The following ADGRL3 variants were observed in gnomAD, a reference collection of about 807,000 sequenced individuals.
ADGRL3 encodes the protein calcium-independent alpha-latrotoxin receptor 3.
Under a neutral mutation model 153.5 loss-of-function variants are expected in ADGRL3, and 62 were observed. The ratio of observed to expected loss-of-function variants is 0.40; its 90% CI spans 0.33 to 0.50. The LOEUF is 0.50. Among genes scored for constraint, ADGRL3 ranks in the 20% least tolerant of loss-of-function variants. ADGRL3 has a pLI of 0.47. For synonymous variants in ADGRL3, 710 were observed against 672.5 expected, an observed-to-expected ratio of 1.06 and a Z score of -0.86; for missense variants, 1,641 against 1,859.4, an observed-to-expected ratio of 0.88 and a Z score of 2.16.
chr4:62,004,619 T>C (rs2099151481), intron 21 of ADGRL3, among the ~76,000 whole-genome samples: 1 of 152,174 alleles, frequency 6.6e-6, no homozygotes, highest in South Asian at 2.1e-4. Context: ...TTTACAGATT[T>C]CTAATTATTT....
chr4:61,868,878 G>A (rs538874211), intron 9 of ADGRL3, among the ~76,000 whole-genome samples: 5 of 152,036 alleles, frequency 3.3e-5, no homozygotes, highest in African/African-American at 4.8e-5. Context: ...GCTTTCCAGC[G>A]ATGCTATTAA....
chr4:61,407,151 C>A (rs575849881), intron 2 of ADGRL3, among the ~76,000 whole-genome samples: 172 of 151,950 alleles, frequency 1.1e-3, no homozygotes, highest in Admixed American at 3.2e-3. Flanking sequence ...AACAATAAAC[C>A]CTTACAATAA....
At chr4:61,526,237 G>A (rs1359180437) in intron 4 of ADGRL3, among the ~76,000 whole-genome samples, 3 of 152,138 alleles carry the variant, frequency 2.0e-5, no homozygotes, top group African/African-American at 7.2e-5. Context: ...ATGAGAAAAT[G>A]ATTGGTTTTG....
At position 62,073,873 on chromosome 4, in the gene ADGRL3, A is replaced by G. The variant is rs1746375697; in HGVS notation, c.*2965A>G. The stretch of plus-strand genomic sequence containing the variant: ...AGAGACTTAAGATCCCAAAGATTAT[A>G]ACAGAGAGAAATTTCCCCTGCAAGT... On this transcript the variant is annotated 3_prime_UTR_variant, in exon 27 of 27. Coordinates refer to ENST00000683033, the MANE Select transcript of ADGRL3 (RefSeq NM_001387552.1). 1 of 152,088 alleles carries G rather than the reference A, an allele frequency of 6.6e-6. No individual in the cohort carries two copies. The highest frequency in any genetic ancestry group is 1.5e-5 in the Non-Finnish European group (1 of 67,982). The allele number at this position is 152,088 out of a possible 1,614,324, so 9.4% of individuals were successfully genotyped here. A position where few individuals can be genotyped will look rare whatever the true frequency, so the allele number is the denominator to read the frequency against.
intron 2 of ADGRL3, among the ~76,000 whole-genome samples, chr4:61,470,363 G>T (rs1180906592): frequency 3.3e-5 from 5 of 151,760 alleles, no homozygotes; most frequent in Middle Eastern, 3.4e-3. Flanking sequence ...TCTGCAGGAG[G>T]GTCAACTATT....
At position 61,202,389 on chromosome 4, in the gene ADGRL3, CTCCT is replaced by C. The variant is rs1735134491; in HGVS notation, c.-240+627_-240+630del. Among the ~76,000 whole-genome samples, 2 of 152,196 alleles carry C rather than the reference CTCCT, an allele frequency of 1.3e-5. No homozygotes were observed. Among genetic ancestry groups the C allele is most frequent in the African/African-American group, 4.8e-5 (2 of 41,450 alleles). The stretch of plus-strand genomic sequence containing the variant: ...CCTCCCCGCGCCCTGCCTGTTGTGT[CTCCT>C]TCACGGCAGTTTGGTTTAGACCTGC... On this transcript the variant is annotated intron_variant, in intron 1 of 26. Transcript: ENST00000683033. The surrounding 1 kb of genome is among the most constrained non-coding windows in gnomAD (Gnocchi z 5.0).
At chr4:61,555,268 T>C (rs1337016115) in intron 4 of ADGRL3, among the ~76,000 whole-genome samples, 2 of 152,188 alleles carry the variant, frequency 1.3e-5, no homozygotes, top group Non-Finnish European at 2.9e-5. Flanking sequence ...TCATATACTT[T>C]AGAATATTAT....
intron 8 of ADGRL3, among the ~76,000 whole-genome samples, chr4:61,743,585 C>T (rs143048630): frequency 0.015 from 2,333 of 151,986 alleles, 71 homozygotes; most frequent in African/African-American, 0.051. Flanking sequence ...TCAATATCTA[C>T]GATAATTTGG....
At chr4:61,217,878 T>C (rs1743594090) in intron 1 of ADGRL3, among the ~76,000 whole-genome samples, 2 of 152,200 alleles carry the variant, frequency 1.3e-5, no homozygotes, top group African/African-American at 2.4e-5. Context: ...GCTTTAGGAA[T>C]ACCAGTGCTA....
chr4:61,408,892 G>A (rs2097042429), intron 2 of ADGRL3, among the ~76,000 whole-genome samples: 1 of 151,530 alleles, frequency 6.6e-6, no homozygotes, highest in Non-Finnish European at 1.5e-5. Flanking sequence ...CCTTTTTGTG[G>A]ATTAATTTCA....
intron 2 of ADGRL3, among the ~76,000 whole-genome samples, chr4:61,484,518 T>C (rs1279932708): frequency 6.6e-6 from 1 of 152,218 alleles, no homozygotes; most frequent in African/African-American, 2.4e-5. Context: ...TGGTTGTTTC[T>C]GATGGATTTT....
Position 61,934,912 on chromosome 4 carries a change from G to A in ADGRL3, c.2185G>A (p.Asp729Asn). Residue 729 changes from aspartate to asparagine, a missense_variant, in exon 14 of 27, where the codon GAT becomes AAT. By Grantham distance (23) the Asp-to-Asn change is conservative. Coordinates refer to ENST00000683033, the MANE Select transcript of ADGRL3 (RefSeq NM_001387552.1). Reference sequence around the variant, plus strand: ...TGCATGGAGAGACCTGACTACGAGTGATCAGCTGCGTGCGGCCACCATGTT... The same window carrying A: ...TGCATGGAGAGACCTGACTACGAGTAATCAGCTGCGTGCGGCCACCATGTT... ...LNAWRDLTTS[D>N]QLRAATMLLH... The A allele has an allele frequency of 6.2e-7, 1 of 1,613,818 alleles. No individual in the cohort carries two copies. The highest frequency in any genetic ancestry group is 1.3e-5 in the African/African-American group (1 of 75,032).
rs10701021 is a variant in ADGRL3, at chr4:61,465,758, A to AATATATATATATATATATAT, written c.-173-31362_-173-31343dup. ...ACTCTGGATTTTAAAATTATATATA[A>AATATATATATATATATATAT]ATATATATATATATATATATCTTAT... On this transcript the variant is annotated intron_variant, in intron 2 of 26. Transcript: ENST00000683033. Among the ~76,000 whole-genome samples the AATATATATATATATATATAT allele has an allele frequency of 3.6e-3, 468 of 130,118 alleles. 4 individuals are homozygous for AATATATATATATATATATAT. Among genetic ancestry groups the AATATATATATATATATATAT allele is most frequent in the East Asian group, 5.6e-3 (24 of 4,322 alleles). 85.4% of individuals were successfully genotyped at this position (130,118 alleles called of 152,430 possible).
At chr4:61,449,647 A>C (rs1024731738) in intron 2 of ADGRL3, among the ~76,000 whole-genome samples, 1 of 152,146 alleles carries the variant, frequency 6.6e-6, no homozygotes, top group African/African-American at 2.4e-5. Flanking sequence ...TGTTTCATAT[A>C]TAATATTCTC....
intron 20 of ADGRL3, among the ~76,000 whole-genome samples, chr4:61,996,883 T>G (rs115306256): frequency 0.012 from 1,806 of 152,282 alleles, 36 homozygotes; most frequent in African/African-American, 0.042. Context: ...CTTTTCTGTT[T>G]TTAGATCCAT....
chr4:61,880,776 A>G (rs900517119), intron 9 of ADGRL3, among the ~76,000 whole-genome samples: 2 of 152,198 alleles, frequency 1.3e-5, no homozygotes, highest in Non-Finnish European at 2.9e-5. Context: ...GAATTCAGGA[A>G]TCATTTATAT....
intron 9 of ADGRL3, among the ~76,000 whole-genome samples, chr4:61,849,773 C>A (rs1211745680): frequency 6.6e-6 from 1 of 152,052 alleles, no homozygotes; most frequent in Non-Finnish European, 1.5e-5. Context: ...TTATTTCTTA[C>A]AAACAAAGAG....
At chr4:61,479,316 G>A (rs930555887) in intron 2 of ADGRL3, among the ~76,000 whole-genome samples, 2 of 151,978 alleles carry the variant, frequency 1.3e-5, no homozygotes, top group African/African-American at 2.4e-5. Flanking sequence ...TGTATGTAAT[G>A]TTTAAACATA....
Position 61,246,032 on chromosome 4 carries a change from A to G in ADGRL3, c.-240+44267A>G, listed in dbSNP as rs1756935625. 2.0e-5 allele frequency among the ~76,000 whole-genome samples: 3 copies of G among 152,084 alleles called. No individual in the cohort carries two copies. In the Middle Eastern group the frequency reaches 0.01, roughly 517 times the overall value. ...TACCACTTATATTAGCTTTCTCTGT[A>G]TTTCCCACCCTTATCATCACTTTTC... On this transcript the variant is annotated intron_variant, in intron 1 of 26. Coordinates refer to ENST00000683033, the MANE Select transcript of ADGRL3 (RefSeq NM_001387552.1).
Sources: allele counts gnomAD v4.1 joint callset (sites outside exome capture counted in the v4.1 genomes callset), GRCh38; gene constraint gnomAD v4.1.1; non-coding constraint Gnocchi (gnomAD v3.1); transcripts MANE v1.5; gene names NCBI Gene and HGNC (gene_info 2026-07-23, HGNC 2026-07-21).